CNTN4: variants seen among roughly 807,000 people sequenced by gnomAD.
CNTN4 encodes contactin-4.
In CNTN4, 77 loss-of-function variants were observed where a neutral mutation model predicts 122.5. That is an observed-to-expected ratio of 0.63 (90% CI 0.52 to 0.76). CNTN4 has a LOEUF of 0.76. Ranked by LOEUF, CNTN4 falls within the 30% of genes least tolerant of loss-of-function variation. The probability of loss-of-function intolerance (pLI) is 0.00; values close to 1 mark genes in which losing one functional copy is unlikely to be tolerated. For synonymous variants in CNTN4, 512 were observed against 447.0 expected (o/e 1.15, Z -1.83); for missense variants, 1,256 against 1,259.1 (o/e 1.00, Z 0.04).
At chr3:2,120,466 T>C (rs1239426550) in intron 2 of CNTN4, among the ~76,000 whole-genome samples, 1 of 144,496 alleles carries the variant, frequency 6.9e-6, no homozygotes, top group Non-Finnish European at 1.5e-5. Flanking sequence ...TGCAGTGGCA[T>C]GGTCTCCACG....
Position 2,375,014 on chromosome 3 carries a change from C to T in CNTN4, c.-89+35781C>T, listed in dbSNP as rs144322491. ...CTGATTATTGTCGCATTGTGTCATA[C>T]TCTTCAAAAAAATGAAAAGTCCATC... is the stretch of plus-strand genomic sequence containing the variant. On this transcript the variant is annotated intron_variant, in intron 3 of 24. Coordinates refer to ENST00000418658, the MANE Select transcript of CNTN4 (RefSeq NM_175607.3). 2.2e-3 allele frequency among the ~76,000 whole-genome samples: 329 copies of T among 152,282 alleles called. 4 individuals carry two copies. Among genetic ancestry groups the T allele is most frequent in the Admixed American group, 0.019 (283 of 15,290 alleles).
intron 3 of CNTN4, among the ~76,000 whole-genome samples, chr3:2,549,811 T>G (rs2078408881): frequency 6.6e-6 from 1 of 152,148 alleles, no homozygotes; most frequent in Non-Finnish European, 1.5e-5. Flanking sequence ...AGAATTCAGC[T>G]GTGAATCCAT....
At chr3:2,331,772 G>A (rs749838613) in intron 2 of CNTN4, among the ~76,000 whole-genome samples, 1 of 152,166 alleles carries the variant, frequency 6.6e-6, no homozygotes, top group Admixed American at 6.5e-5. Context: ...CCCGAGTTTT[G>A]GGTTGAATGA....
At chr3:2,906,752 G>C (rs1321069339) in intron 12 of CNTN4, among the ~76,000 whole-genome samples, 3 of 151,434 alleles carry the variant, frequency 2.0e-5, no homozygotes, top group African/African-American at 7.3e-5. Flanking sequence ...GCTGAGGCAG[G>C]AGAATCACTT....
At chr3:2,917,266 G>A (rs1025637236) in intron 12 of CNTN4, among the ~76,000 whole-genome samples, 15 of 151,904 alleles carry the variant, frequency 9.9e-5, no homozygotes, top group Non-Finnish European at 1.9e-4. Context: ...GTCCAGCTTC[G>A]GCATCAGAGG....
At chr3:2,916,484 A>G (rs1389001375) in intron 12 of CNTN4, among the ~76,000 whole-genome samples, 3 of 149,226 alleles carry the variant, frequency 2.0e-5, no homozygotes, top group Non-Finnish European at 3.0e-5. Flanking sequence ...CCCTGAGTGG[A>G]CACAACACAT....
intron 3 of CNTN4, among the ~76,000 whole-genome samples, chr3:2,390,524 T>G (rs1455960184): frequency 6.6e-6 from 1 of 152,208 alleles, no homozygotes; most frequent in African/African-American, 2.4e-5. Context: ...TTTACTTGTT[T>G]ACAAGTTGAA....
rs193228581 is a variant in CNTN4 at position 2,619,648 on chromosome 3, A to G, written c.55+48090A>G. Among the ~76,000 whole-genome samples the G allele has an allele frequency of 3.3e-5, 5 of 152,336 alleles. No individual in the cohort carries two copies. In the East Asian group the frequency reaches 9.7e-4, roughly 29 times the overall value. On this transcript the variant is annotated intron_variant, in intron 4 of 24. Coordinates refer to ENST00000418658, the MANE Select transcript of CNTN4 (RefSeq NM_175607.3). ...AAGTCCTGTAGAACTTAGTTCTAGG[A>G]TATCACACAGCACATTTCAGGACTC...
chr3:2,532,796 A>T (rs1324329970), intron 3 of CNTN4, among the ~76,000 whole-genome samples: 1 of 152,182 alleles, frequency 6.6e-6, no homozygotes, highest in Non-Finnish European at 1.5e-5. Context: ...TTATATTTTG[A>T]TAGAAAAAAG....
At position 3,057,720 on chromosome 3, in the gene CNTN4, C is replaced by T. The variant is rs558563948; in HGVS notation, c.*1500C>T. On this transcript the variant is annotated 3_prime_UTR_variant, in exon 25 of 25. Coordinates refer to ENST00000418658, the MANE Select transcript of CNTN4 (RefSeq NM_175607.3). ...TTTGTGTAAAAACTAGGGTGGTAACCGGAAAAAAATATTGTCAGTATTTCA... is the reference window on the plus strand; with the variant it reads ...TTTGTGTAAAAACTAGGGTGGTAACTGGAAAAAAATATTGTCAGTATTTCA... 32 of 151,676 alleles carry T rather than the reference C, an allele frequency of 2.1e-4. No individual in the cohort carries two copies. The highest frequency in any genetic ancestry group is 3.4e-4 in the African/African-American group (14 of 41,166). 9.4% of individuals were successfully genotyped at this position (151,676 alleles called of 1,614,324 possible).
At chr3:2,103,260 A>G (rs1024742654) in intron 2 of CNTN4, among the ~76,000 whole-genome samples, 5 of 152,086 alleles carry the variant, frequency 3.3e-5, no homozygotes, top group Non-Finnish European at 5.9e-5. Context: ...CTATATATAA[A>G]AAAGTTGCCA....
chr3:2,375,924 A>AG (rs1477088124), intron 3 of CNTN4, among the ~76,000 whole-genome samples: 1 of 150,248 alleles, frequency 6.7e-6, no homozygotes, highest in Non-Finnish European at 1.5e-5. Context: ...TGAAAGAAGA[A>AG]AAAAAAAAAG....
intron 2 of CNTN4, among the ~76,000 whole-genome samples, chr3:2,187,145 T>C (rs1023557257): frequency 2.6e-5 from 4 of 152,214 alleles, no homozygotes; most frequent in Non-Finnish European, 5.9e-5. Flanking sequence ...TTTCTACATA[T>C]GGCTAGCCTG....
chr3:2,992,152 G>C lies in CNTN4; in HGVS notation c.1486+3680G>C, dbSNP rs6781872. Among the ~76,000 whole-genome samples, 40,101 of 151,960 alleles carry C rather than the reference G, an allele frequency of 0.26. 5,325 individuals carry two copies. The highest frequency in any genetic ancestry group is 0.28 in the Non-Finnish European group (19,163 of 67,978). On this transcript the variant is annotated intron_variant, in intron 14 of 24. Coordinates refer to ENST00000418658, the MANE Select transcript of CNTN4 (RefSeq NM_175607.3). ...TATTCCACCAGATACAGGAGGTTTA[G>C]AATAAACCTCTGACAAGCAATCATC...
chr3:2,302,138 A>T (rs1464865747), intron 2 of CNTN4, among the ~76,000 whole-genome samples: 2 of 152,202 alleles, frequency 1.3e-5, no homozygotes, highest in Admixed American at 6.5e-5. Context: ...ACTTTATAAA[A>T]CTTAGAATTG....
rs1398266655 is a variant in CNTN4 at position 2,886,198 on chromosome 3, AG to A, written c.756-841del. ...ATTTTTATTTTCATATTTTTTATTT[AG>A]AAAAAAACATGTATGGGTGAAACCT... On this transcript the variant is annotated intron_variant, in intron 9 of 24. Coordinates refer to ENST00000418658, the MANE Select transcript of CNTN4 (RefSeq NM_175607.3). Among the ~76,000 whole-genome samples, 7 of 152,156 alleles carry A rather than the reference AG, an allele frequency of 4.6e-5. No individual in the cohort carries two copies. In the South Asian group the frequency reaches 1.5e-3, roughly 32 times the overall value.
chr3:2,759,743 G>A (rs1363104405), intron 6 of CNTN4, among the ~76,000 whole-genome samples: 1 of 150,492 alleles, frequency 6.6e-6, no homozygotes, highest in Non-Finnish European at 1.5e-5. Context: ...TTAACATTTT[G>A]AGCAACTGTC....
At chr3:2,121,131 T>C (rs1574871972) in intron 2 of CNTN4, among the ~76,000 whole-genome samples, 1 of 151,938 alleles carries the variant, frequency 6.6e-6, no homozygotes, top group Non-Finnish European at 1.5e-5. Flanking sequence ...CTCTCTTCTT[T>C]CCTTCTTTTT....
intron 4 of CNTN4, among the ~76,000 whole-genome samples, chr3:2,615,788 G>T (rs13088777): frequency 0.41 from 62,520 of 151,850 alleles, 14,142 homozygotes; most frequent in Non-Finnish European, 0.52. Context: ...AGGGAGGCTA[G>T]ATATACCTAG....
Sources: gnomAD v4.1 joint callset for allele counts (sites outside exome capture counted in the v4.1 genomes callset) on GRCh38, gnomAD v4.1.1 for gene constraint, MANE v1.5 for transcripts, NCBI Gene and HGNC (gene_info 2026-07-23, HGNC 2026-07-21) for gene names.